Variants in COMMD10 observed in about 807,000 individuals in gnomAD.
The protein encoded by COMMD10 is COMM domain containing 10.
COMMD10 carries 33 observed loss-of-function variants against 28.9 expected under a neutral mutation model. The observed-to-expected ratio is 1.14, with a 90% confidence interval of 0.87 to 1.53. The LOEUF (loss-of-function observed/expected upper bound fraction) is 1.53, where lower values mean the gene tolerates loss of function less well. COMMD10 is among the 40% of genes most tolerant of loss of function. COMMD10 has a pLI of 0.00. For missense variants in COMMD10, 310 were observed against 233.4 expected (o/e 1.33, Z -2.14); for synonymous variants, 110 against 81.7 (o/e 1.35, Z -1.87).
intron 5 of COMMD10, among the ~76,000 whole-genome samples, chr5:116,263,984 G>A (rs527643610): frequency 5.9e-5 from 9 of 151,812 alleles, no homozygotes; most frequent in South Asian, 4.1e-4. Flanking sequence ...GACTCTTTTC[G>A]TCGACAGAGC....
chr5:116,271,250 T>A (rs533187814), intron 5 of COMMD10, among the ~76,000 whole-genome samples: 1 of 144,984 alleles, frequency 6.9e-6, no homozygotes, highest in South Asian at 2.1e-4. Context: ...TAAAAACAAT[T>A]TTTTTTCCTG....
At chr5:116,261,271 C>T (rs1750436580) in intron 5 of COMMD10, among the ~76,000 whole-genome samples, 1 of 151,678 alleles carries the variant, frequency 6.6e-6, no homozygotes, top group Admixed American at 6.6e-5. Flanking sequence ...TGGATGCAAT[C>T]AGAAATCATA....
chr5:116,227,285 A>G (rs915768050), intron 5 of COMMD10, among the ~76,000 whole-genome samples: 1 of 152,046 alleles, frequency 6.6e-6, no homozygotes, highest in East Asian at 1.9e-4. Flanking sequence ...CTCCTTCAAC[A>G]GGGCTTGATT....
chr5:116,161,682 A>C (rs560664636), intron 5 of COMMD10, among the ~76,000 whole-genome samples: 96 of 152,204 alleles, frequency 6.3e-4, no homozygotes, highest in Admixed American at 2.2e-3. Context: ...ATTTCTTCAT[A>C]AAGTGAAAGT....
At position 116,091,162 on chromosome 5, in the gene COMMD10, T is replaced by G; in HGVS notation, c.216T>G (p.Leu72=). The G allele has an allele frequency of 6.2e-7, 1 of 1,603,210 alleles. No homozygotes were observed. Among genetic ancestry groups the G allele is most frequent in the Non-Finnish European group, 8.5e-7 (1 of 1,172,764 alleles). ...AGAAACAAGATCTTCACCTAGTTCTTGAAACAATATCATTTATTTTAGAAC... is the reference window on the plus strand; with the variant it reads ...AGAAACAAGATCTTCACCTAGTTCTGGAAACAATATCATTTATTTTAGAAC... The part of the protein sequence containing the change: ...SLEKQDLHLV[L]ETISFILEQA... The change falls in exon 3 of 7, where the codon CTT becomes CTG. Residue 72 remains leucine, a synonymous_variant. Transcript: ENST00000274458.
chr5:116,132,279 A>G (rs1229483862), intron 4 of COMMD10, among the ~76,000 whole-genome samples: 4 of 152,176 alleles, frequency 2.6e-5, no homozygotes, highest in Non-Finnish European at 4.4e-5. Flanking sequence ...GTTATTGGAT[A>G]TTATCAGTAA....
At chr5:116,112,544 G>A (rs1016369275) in intron 4 of COMMD10, among the ~76,000 whole-genome samples, 5 of 151,962 alleles carry the variant, frequency 3.3e-5, no homozygotes, top group African/African-American at 1.2e-4. Context: ...CTGTATATAG[G>A]TGCGCGCCAC....
At chr5:116,233,128 TG>T (rs1330972349) in intron 5 of COMMD10, among the ~76,000 whole-genome samples, 1 of 152,142 alleles carries the variant, frequency 6.6e-6, no homozygotes, top group East Asian at 1.9e-4. Context: ...CACTTATTTT[TG>T]GGGTTTTACT....
intron 5 of COMMD10, among the ~76,000 whole-genome samples, chr5:116,187,798 A>T (rs1043475706): frequency 6.6e-6 from 1 of 152,182 alleles, no homozygotes; most frequent in African/African-American, 2.4e-5. Context: ...AAGTATTTAT[A>T]CTTAAATAAC....
At chr5:116,155,899 T>C (rs140942700) in intron 5 of COMMD10, among the ~76,000 whole-genome samples, 298 of 151,950 alleles carry the variant, frequency 2.0e-3, no homozygotes, top group African/African-American at 6.8e-3. Context: ...TTTATTAATA[T>C]AAGAGAAAAT....
intron 5 of COMMD10, among the ~76,000 whole-genome samples, chr5:116,191,610 C>G (rs1487126965): frequency 1.3e-5 from 2 of 151,854 alleles, no homozygotes; most frequent in Non-Finnish European, 2.9e-5. Flanking sequence ...GAATCTCACC[C>G]CAACCCCCAA....
intron 5 of COMMD10, among the ~76,000 whole-genome samples, chr5:116,177,180 G>C (rs1214077598): frequency 6.6e-6 from 1 of 152,064 alleles, no homozygotes; most frequent in African/African-American, 2.4e-5. Context: ...GGATCCAGTG[G>C]ACAAAGTGTC....
chr5:116,133,945 G>C (rs1751942300), intron 4 of COMMD10, 123 bp from the exon 5 acceptor site: 1 of 613,226 alleles, frequency 1.6e-6, no homozygotes, highest in African/African-American at 1.9e-5. Context: ...AAGAGCCCTG[G>C]AACTGACTTT....
At chr5:116,092,230 T>C (rs1280640156) in intron 3 of COMMD10, among the ~76,000 whole-genome samples, 4 of 152,178 alleles carry the variant, frequency 2.6e-5, no homozygotes. Flanking sequence ...ATAAATGAAA[T>C]TTTAATTAGG....
intron 3 of COMMD10, among the ~76,000 whole-genome samples, chr5:116,092,297 G>A (rs1053368481): frequency 4.5e-4 from 68 of 152,054 alleles, no homozygotes; most frequent in African/African-American, 1.4e-3. Flanking sequence ...AGTGGATTTA[G>A]GATTACTTAA....
At chr5:116,271,006 G>T (rs999616814) in intron 5 of COMMD10, among the ~76,000 whole-genome samples, 2 of 151,456 alleles carry the variant, frequency 1.3e-5, no homozygotes, top group African/African-American at 4.9e-5. Context: ...AGTATAACTT[G>T]GTTCATAAAT....
intron 5 of COMMD10, among the ~76,000 whole-genome samples, chr5:116,222,333 C>T (rs1749281075): frequency 6.6e-6 from 1 of 152,172 alleles, no homozygotes; most frequent in Non-Finnish European, 1.5e-5. Context: ...TTGGAAATCT[C>T]ATCCTGAAAT....
In COMMD10 at chr5:116,099,317, G is replaced by T. The variant is rs555806282; in HGVS notation, c.399+6617G>T. Among the ~76,000 whole-genome samples the T allele has an allele frequency of 2.6e-5, 4 of 152,148 alleles. No individual in the cohort carries two copies. The South Asian group carries it at 8.3e-4, about 32-fold the overall frequency. On this transcript the variant is annotated intron_variant, in intron 4 of 6. Coordinates refer to ENST00000274458, the MANE Select transcript of COMMD10 (RefSeq NM_016144.4). The stretch of plus-strand genomic sequence containing the variant: ...TGGCAGTGTTTTCTTTTTAAAGGTT[G>T]AATAATATTCCATTCATTATCTGTT...
chr5:116,174,519 G>C (rs2112586503), intron 5 of COMMD10, among the ~76,000 whole-genome samples: 1 of 152,186 alleles, frequency 6.6e-6, no homozygotes, highest in South Asian at 2.1e-4. Flanking sequence ...TATAACTGAT[G>C]GATAATCAAT....
Sources: gnomAD v4.1 joint callset for allele counts (sites outside exome capture counted in the v4.1 genomes callset) on GRCh38, gnomAD v4.1.1 for gene constraint, MANE v1.5 for transcripts, NCBI Gene and HGNC (gene_info 2026-07-23, HGNC 2026-07-21) for gene names.